Variants in DSCAML1 observed in about 807,000 individuals in gnomAD.
The protein encoded by DSCAML1 is DS cell adhesion molecule like 1.
In DSCAML1, 38 loss-of-function variants were observed where a neutral mutation model predicts 200.5. The observed-to-expected ratio is 0.19, with a 90% confidence interval of 0.15 to 0.25. The LOEUF is 0.25. Ranked by LOEUF, DSCAML1 falls within the 10% of genes least tolerant of loss-of-function variation. The pLI, the probability that DSCAML1 is intolerant of heterozygous loss-of-function variation, is 1.00. For missense variants in DSCAML1, 2,223 were observed against 2,858.8 expected (o/e 0.78, Z 5.07); for synonymous variants, 1,215 against 1,165.0 (o/e 1.04, Z -0.87).
intron 14 of DSCAML1, among the ~76,000 whole-genome samples, chr11:117,472,365 C>T (rs965401580): frequency 1.3e-5 from 2 of 152,190 alleles, no homozygotes; most frequent in African/African-American, 4.8e-5. Context: ...CTGGCCAGTG[C>T]CCTTCTTCCT....
chr11:117,428,917 C>T (rs2047725430), intron 32 of DSCAML1, 114 bp from the exon 33 acceptor site: 3 of 1,001,180 alleles, frequency 3.0e-6, no homozygotes, highest in Non-Finnish European at 4.4e-6. Flanking sequence ...GGCATAGGGG[C>T]CCCTCCACTG....
intron 11 of DSCAML1, among the ~76,000 whole-genome samples, chr11:117,486,412 G>A (rs1369713865): frequency 1.3e-5 from 2 of 149,042 alleles, no homozygotes; most frequent in Admixed American, 1.3e-4. Flanking sequence ...ATGGGAAAGT[G>A]GCGGATGTGA....
At chr11:117,539,392 G>A (rs1010160854) in intron 3 of DSCAML1, among the ~76,000 whole-genome samples, 30 of 152,034 alleles carry the variant, frequency 2.0e-4, no homozygotes, top group African/African-American at 7.2e-4. Flanking sequence ...TGGATCACCT[G>A]AGGTCAGGAG....
At chr11:117,654,283 C>T (rs936723660) in intron 3 of DSCAML1, among the ~76,000 whole-genome samples, 6 of 152,160 alleles carry the variant, frequency 3.9e-5, no homozygotes. Context: ...GTGATGGTTG[C>T]ACATATCTGT....
At chr11:117,673,542 C>A (rs1442916786) in intron 3 of DSCAML1, among the ~76,000 whole-genome samples, 3 of 152,204 alleles carry the variant, frequency 2.0e-5, no homozygotes, top group African/African-American at 7.2e-5. Context: ...CTGCCCCCCA[C>A]CAAACTCCCC....
Position 117,428,661 on chromosome 11 carries a change from G to T in DSCAML1, c.5829C>A (p.His1943Gln), listed in dbSNP as rs1198060014. ...LARTYHTQAR[H>Q]LTLDPASKSL... ...ACTTGCTGGCAGGGTCCAGGGTCAG[G>T]TGGCGAGCCTGGGTGTGGTAGGTTC... The change falls in exon 33 of 33, where the codon CAC becomes CAA. Residue 1943 changes from histidine (H) to glutamine (Q), a missense_variant. His to Gln is a conservative substitution (Grantham distance 24). Coordinates refer to ENST00000651296, the MANE Select transcript of DSCAML1 (RefSeq NM_020693.4). The T allele has an allele frequency of 1.9e-6, 3 of 1,612,322 alleles. No individual in the cohort carries two copies. In the Admixed American group the frequency reaches 5.0e-5, roughly 27 times the overall value.
intron 3 of DSCAML1, among the ~76,000 whole-genome samples, chr11:117,760,223 G>T (rs1452259122): frequency 6.6e-6 from 1 of 152,192 alleles, no homozygotes; most frequent in Non-Finnish European, 1.5e-5. Flanking sequence ...ATAATGGAAA[G>T]AGACCCATGT....
intron 16 of DSCAML1, among the ~76,000 whole-genome samples, chr11:117,467,207 C>G (rs1335206290): frequency 1.4e-5 from 2 of 140,628 alleles, no homozygotes; most frequent in South Asian, 2.4e-4. Flanking sequence ...CCCCCCTCCC[C>G]CCGCCGCCAA....
rs200863578 is a variant in DSCAML1 at position 117,714,824 on chromosome 11, A to AG, written c.511+61966dup. Among the ~76,000 whole-genome samples, 19 of 87,832 alleles carry AG rather than the reference A, an allele frequency of 2.2e-4. 5 individuals carry two copies. Among genetic ancestry groups the AG allele is most frequent in the South Asian group, 5.6e-4 (1 of 1,786 alleles). 57.6% of individuals were successfully genotyped at this position (87,832 alleles called of 152,430 possible). On this transcript the variant is annotated intron_variant, in intron 3 of 32. Coordinates refer to ENST00000651296, the MANE Select transcript of DSCAML1 (RefSeq NM_020693.4). ...GAGACAAGAGTGAAACTTCATCTTG[A>AG]GGAAAAAAAAAAAAAAAAAGGAAGG...
At chr11:117,668,297 T>G (rs2053022292) in intron 3 of DSCAML1, among the ~76,000 whole-genome samples, 1 of 152,168 alleles carries the variant, frequency 6.6e-6, no homozygotes, top group Non-Finnish European at 1.5e-5. Context: ...GATAGTGATG[T>G]CATGCCTCCT....
chr11:117,556,630 C>T (rs1011032113), intron 3 of DSCAML1, among the ~76,000 whole-genome samples: 7 of 152,172 alleles, frequency 4.6e-5, no homozygotes, highest in African/African-American at 1.7e-4. Context: ...TGAGATACCA[C>T]CTGACCCCAG....
At position 117,468,710 on chromosome 11, in the gene DSCAML1, C is replaced by T. The variant is rs562357949; in HGVS notation, c.3024+1200G>A. On this transcript the variant is annotated intron_variant, in intron 16 of 32. Coordinates refer to ENST00000651296, the MANE Select transcript of DSCAML1 (RefSeq NM_020693.4). ...AAGGACCAGCTGCCCAGCCCTACCT[C>T]GCTTTCCTCTTGGTCATGCCTCTGG... Among the ~76,000 whole-genome samples the T allele has an allele frequency of 2.3e-4, 35 of 152,310 alleles. 1 individual carries two copies. Among genetic ancestry groups the T allele is most frequent in the Middle Eastern group, 3.4e-3 (1 of 294 alleles).
chr11:117,774,561 G>A (rs2055097221), intron 3 of DSCAML1, among the ~76,000 whole-genome samples: 1 of 152,136 alleles, frequency 6.6e-6, no homozygotes, highest in Admixed American at 6.5e-5. Flanking sequence ...CTTAAATGCA[G>A]GTAGTCTGGT....
upstream of DSCAML1, among the ~76,000 whole-genome samples, chr11:117,798,254 C>T (rs1167107238): frequency 6.6e-6 from 1 of 152,184 alleles, no homozygotes; most frequent in African/African-American, 2.4e-5. Flanking sequence ...TGGGCAGACT[C>T]TAAGGTGTGG....
In DSCAML1 at chr11:117,539,606, C is replaced by CAAAAAAAAAAAAAAAAAAAA. The variant is rs35130897; in HGVS notation, c.512-7104_512-7085dup. Among the ~76,000 whole-genome samples the CAAAAAAAAAAAAAAAAAAAA allele has an allele frequency of 1.4e-3, 73 of 52,592 alleles. 2 individuals carry two copies. Among genetic ancestry groups the CAAAAAAAAAAAAAAAAAAAA allele is most frequent in the Non-Finnish European group, 1.7e-3 (48 of 28,100 alleles). The allele number at this position is 52,592 out of a possible 152,430, so 34.5% of individuals were successfully genotyped here. A position where few individuals can be genotyped will look rare whatever the true frequency, so the allele number is the denominator to read the frequency against. On this transcript the variant is annotated intron_variant, in intron 3 of 32. Coordinates refer to ENST00000651296, the MANE Select transcript of DSCAML1 (RefSeq NM_020693.4). ...CTGGGCAACAAGAGTAAAACTCTGT[C>CAAAAAAAAAAAAAAAAAAAA]AAAAAAAAAAAAAAAAAAAAAAAAG... is the stretch of plus-strand genomic sequence containing the variant.
Position 117,733,890 on chromosome 11 carries a change from G to A in DSCAML1, c.511+42901C>T, listed in dbSNP as rs757254677. On this transcript the variant is annotated intron_variant, in intron 3 of 32. Transcript: ENST00000651296. ...CATGCATCTTGTCTTCTGGGGTACCGTCTGGAGAATTCATCTCCCTCTGGG... is the reference window on the plus strand; with the variant it reads ...CATGCATCTTGTCTTCTGGGGTACCATCTGGAGAATTCATCTCCCTCTGGG... Among the ~76,000 whole-genome samples, 168 of 148,292 alleles carry A rather than the reference G, an allele frequency of 1.1e-3. 2 individuals are homozygous for A. The highest frequency in any genetic ancestry group is 4.8e-4 in the Non-Finnish European group (32 of 67,232).
intron 4 of DSCAML1, among the ~76,000 whole-genome samples, chr11:117,529,566 C>T (rs1213200002): frequency 6.6e-6 from 1 of 152,148 alleles, no homozygotes; most frequent in African/African-American, 2.4e-5. Flanking sequence ...TAATAATACA[C>T]CTCGTTATCT....
chr11:117,601,255 CAG>C (rs1216289673), intron 3 of DSCAML1, among the ~76,000 whole-genome samples: 7 of 149,450 alleles, frequency 4.7e-5, no homozygotes, highest in African/African-American at 1.5e-4. Context: ...TCCTCAGAAA[CAG>C]AGAGACAAAA....
intron 3 of DSCAML1, among the ~76,000 whole-genome samples, chr11:117,545,242 C>A (rs200742060): frequency 0.17 from 22,884 of 138,214 alleles, 2,363 homozygotes; most frequent in South Asian, 0.4. Flanking sequence ...AAAACACACA[C>A]ACACACACAC....
Sources: allele counts gnomAD v4.1 joint callset (sites outside exome capture counted in the v4.1 genomes callset), GRCh38; gene constraint gnomAD v4.1.1; transcripts MANE v1.5; gene names NCBI Gene and HGNC (gene_info 2026-07-23, HGNC 2026-07-21).